TEX36: variants seen among roughly 807,000 people sequenced by gnomAD.
TEX36 encodes the protein testis expressed 36.
Under a neutral mutation model 13.6 loss-of-function variants are expected in TEX36, and 12 were observed. That is an observed-to-expected ratio of 0.88 (90% confidence interval 0.56 to 1.43). The LOEUF is 1.43. Ranked by LOEUF, TEX36 falls within the 40% of genes most tolerant of loss-of-function variation. The probability of loss-of-function intolerance (pLI) is 0.00; values close to 1 mark genes in which losing one functional copy is unlikely to be tolerated. For synonymous variants in TEX36, 93 were observed against 83.0 expected, an observed-to-expected ratio of 1.12 and a Z score of -0.65; for missense variants, 224 against 228.3, an observed-to-expected ratio of 0.98 and a Z score of 0.12.
chr10:125,655,700 T>G lies in TEX36; in HGVS notation c.*200A>C. On this transcript the variant is annotated 3_prime_UTR_variant, in exon 4 of 4. Coordinates refer to ENST00000368821, the MANE Select transcript of TEX36 (RefSeq NM_001128202.3). ...TTTTAAAACTCCCCAAAAGTAAATG[T>G]GGCCATCTGAAAAGTTTATTTACAC... is the stretch of plus-strand genomic sequence containing the variant. The G allele has an allele frequency of 8.0e-7, 1 of 1,257,658 alleles. No homozygotes were observed. The highest frequency in any genetic ancestry group is 3.2e-5 in the South Asian group (1 of 30,840). 77.9% of individuals were successfully genotyped at this position (1,257,658 alleles called of 1,614,324 possible). A position where few individuals can be genotyped will look rare whatever the true frequency, so the allele number is the denominator to read the frequency against.
intron 3 of TEX36, among the ~76,000 whole-genome samples, chr10:125,622,391 A>G (rs1280099762): frequency 6.6e-6 from 1 of 152,282 alleles, no homozygotes; most frequent in African/African-American, 2.4e-5. Flanking sequence ...TTAACAAAAT[A>G]AGGAGTAAAT....
chr10:125,593,232 G>A (rs1846044105), intron 3 of TEX36, among the ~76,000 whole-genome samples: 1 of 152,170 alleles, frequency 6.6e-6, no homozygotes, highest in Non-Finnish European at 1.5e-5. Flanking sequence ...TGCTACTTTG[G>A]GGATTCCAAG....
intron 3 of TEX36, among the ~76,000 whole-genome samples, chr10:125,595,791 C>T (rs188991910): frequency 1.3e-5 from 2 of 152,310 alleles, no homozygotes; most frequent in East Asian, 1.9e-4. Flanking sequence ...TCACTCTCCA[C>T]CTCCTTCCCC....
intron 3 of TEX36, among the ~76,000 whole-genome samples, chr10:125,580,606 C>T (rs1845870641): frequency 6.6e-6 from 1 of 152,004 alleles, no homozygotes; most frequent in Admixed American, 6.5e-5. Context: ...GGGATCAGAC[C>T]CCAACCCTTG....
intron 1 of TEX36, among the ~76,000 whole-genome samples, chr10:125,677,048 T>TC: frequency 6.6e-6 from 1 of 152,288 alleles, no homozygotes; most frequent in African/African-American, 2.4e-5. Flanking sequence ...ACCTGTAAGG[T>TC]TTCTGCTGAG....
At chr10:125,671,151 A>G (rs985149359) in intron 1 of TEX36, among the ~76,000 whole-genome samples, 1 of 152,198 alleles carries the variant, frequency 6.6e-6, no homozygotes, top group Non-Finnish European at 1.5e-5. Flanking sequence ...TGTCCTGTCC[A>G]GAACTTCCAA....
At chr10:125,576,936 A>C in intron 3 of TEX36, 1 of 1,531,356 alleles carries the variant, frequency 6.5e-7, no homozygotes. Context: ...CTTGTAGTTC[A>C]GCAATCAGAG....
intron 3 of TEX36, among the ~76,000 whole-genome samples, chr10:125,635,723 G>T (rs1250634967): frequency 1.3e-5 from 2 of 152,028 alleles, no homozygotes; most frequent in Admixed American, 6.6e-5. Flanking sequence ...AGTTTCTCCT[G>T]TTCTCCACTC....
At chr10:125,666,574 T>C in intron 1 of TEX36, among the ~76,000 whole-genome samples, 1 of 152,204 alleles carries the variant, frequency 6.6e-6, no homozygotes, top group East Asian at 1.9e-4. Flanking sequence ...TATTGTCTTT[T>C]TGATGTGCTG....
chr10:125,625,982 A>T (rs1846484196), intron 3 of TEX36, among the ~76,000 whole-genome samples: 1 of 152,176 alleles, frequency 6.6e-6, no homozygotes, highest in Non-Finnish European at 1.5e-5. Context: ...GGCATTACCC[A>T]TCACCTGCTC....
intron 1 of TEX36, among the ~76,000 whole-genome samples, chr10:125,679,255 G>A (rs1035442289): frequency 1.3e-5 from 2 of 151,268 alleles, no homozygotes; most frequent in Non-Finnish European, 2.9e-5. Context: ...GCTGCAGCCC[G>A]TGCCTCAGTT....
intron 3 of TEX36, among the ~76,000 whole-genome samples, chr10:125,659,993 T>C (rs957545678): frequency 6.6e-6 from 1 of 152,212 alleles, no homozygotes; most frequent in African/African-American, 2.4e-5. Context: ...TACGTTGAGA[T>C]GTTACATAAG....
intron 1 of TEX36, chr10:125,667,743 C>T (rs894409027): frequency 4.7e-5 from 38 of 811,172 alleles, no homozygotes; most frequent in Admixed American, 6.0e-5. Flanking sequence ...CAGGGGTTCA[C>T]GCAGTCGTCA....
At position 125,660,988 on chromosome 10, in the gene TEX36, T is replaced by A. The variant is rs769647019; in HGVS notation, c.264+33A>T. 2.0e-6 allele frequency: 3 copies of A among 1,518,992 alleles called. No homozygotes were observed. The South Asian group carries it at 3.6e-5, about 18-fold the overall frequency. The allele number at this position is 1,518,992 out of a possible 1,614,324, so 94.1% of individuals were successfully genotyped here. Reference sequence around the variant, plus strand: ...AATCAAGATCCCTTGTGTTGTTCCCTGTTTTATTAATAATTTGGAAAGAAA... The same window carrying A: ...AATCAAGATCCCTTGTGTTGTTCCCAGTTTTATTAATAATTTGGAAAGAAA... On this transcript the variant is annotated intron_variant, in intron 3 of 3. Transcript: ENST00000368821.
At chr10:125,654,029 A>G (rs1846904276), downstream of TEX36, among the ~76,000 whole-genome samples, 2 of 152,190 alleles carry the variant, frequency 1.3e-5, no homozygotes, top group Admixed American at 1.3e-4. Context: ...TTCCAATTGT[A>G]CTGGAGGTCC....
At chr10:125,632,045 G>A (rs1467494921) in intron 3 of TEX36, among the ~76,000 whole-genome samples, 1 of 152,166 alleles carries the variant, frequency 6.6e-6, no homozygotes, top group Non-Finnish European at 1.5e-5. Flanking sequence ...CTGGGGCAGT[G>A]TGTGTGGGAG....
chr10:125,612,784 G>C (rs939988573), intron 3 of TEX36, among the ~76,000 whole-genome samples: 1 of 147,450 alleles, frequency 6.8e-6, no homozygotes, highest in Non-Finnish European at 1.5e-5. Context: ...AAAACTTCCA[G>C]AACATGTGGG....
rs149649517 is a variant in TEX36, at chr10:125,610,420, G to A, written c.265-33546C>T. ...TTTTCAAAGTGTGATCTTTGGAGCA[G>A]GGCATAAACTGCACCTGAAGTCTTG... On this transcript the variant is annotated intron_variant, in intron 3 of 3. Coordinates refer to the TEX36 transcript ENST00000532135. 7.5e-3 allele frequency among the ~76,000 whole-genome samples: 1,139 copies of A among 152,192 alleles called. 14 individuals carry two copies. Among genetic ancestry groups the A allele is most frequent in the African/African-American group, 0.026 (1,097 of 41,434 alleles).
intron 3 of TEX36, among the ~76,000 whole-genome samples, chr10:125,634,649 T>C (rs1314119234): frequency 1.3e-5 from 2 of 152,202 alleles, no homozygotes; most frequent in Non-Finnish European, 2.9e-5. Context: ...GCTGCAACTT[T>C]GTAGAAGAAA....
Sources: allele counts gnomAD v4.1 joint callset (sites outside exome capture counted in the v4.1 genomes callset), GRCh38; gene constraint gnomAD v4.1.1; transcripts MANE v1.5; gene names NCBI Gene and HGNC (gene_info 2026-07-23, HGNC 2026-07-21).